Variants in ERAP1 observed in about 807,000 individuals in gnomAD.
ERAP1 encodes the protein adipocyte-derived leucine aminopeptidase.
ERAP1 carries 86 observed loss-of-function variants against 103.7 expected under a neutral mutation model. The ratio of observed to expected loss-of-function variants is 0.83; its 90% CI spans 0.70 to 0.99. The LOEUF is 0.99. Among genes scored for constraint, ERAP1 ranks in the 50% least tolerant of loss-of-function variants. The pLI, the probability that ERAP1 is intolerant of heterozygous loss-of-function variation, is 0.00. For synonymous variants in ERAP1, 398 were observed against 402.4 expected (o/e 0.99, Z 0.13); for missense variants, 1,009 against 1,128.4 (o/e 0.89, Z 1.52).
In ERAP1 at chr5:96,793,810, G is replaced by C; in HGVS notation, c.1067C>G (p.Ala356Gly). The C allele has an allele frequency of 6.2e-7, 1 of 1,613,390 alleles. No homozygotes were observed. The highest frequency in any genetic ancestry group is 1.1e-5 in the South Asian group (1 of 91,056). Reference protein sequence around the residue: ...GITMTVAHELAHQWFGNLVTM... With the variant: ...GITMTVAHELGHQWFGNLVTM... ...GTGTGAATGAGCTTATACCTGGTGAGCCAGTTCATGGGCCACAGTCATTGT... is the reference window on the plus strand; with the variant it reads ...GTGTGAATGAGCTTATACCTGGTGACCCAGTTCATGGGCCACAGTCATTGT... Residue 356 changes from alanine (A) to glycine (G), a missense_variant, in exon 6 of 19, where the codon GCT (alanine) becomes GGT (glycine). Physicochemically the swap from Ala to Gly is moderately conservative, Grantham distance 60 (BLOSUM62 0). Around this residue, in one of 3 missense-constraint regions of ERAP1, gnomAD observed 392 missense variants for 455.2 expected, o/e 0.86. Transcript: ENST00000443439.
chr5:96,809,115 T>G (rs1487691723), upstream of ERAP1, among the ~76,000 whole-genome samples: 1 of 152,246 alleles, frequency 6.6e-6, no homozygotes, highest in Non-Finnish European at 1.5e-5. Flanking sequence ...GTCATGGAGC[T>G]GGTGAGACCG....
chr5:96,818,873 A>G, the ERAP1 span, among the ~76,000 whole-genome samples: 31 of 152,022 alleles, frequency 2.0e-4, no homozygotes, highest in East Asian at 4.8e-3. Flanking sequence ...CTAAATTCCA[A>G]TGAAGCCAAA....
the ERAP1 span, chr5:96,900,305 C>A: frequency 2.1e-6 from 3 of 1,418,876 alleles, no homozygotes; most frequent in Non-Finnish European, 2.8e-6. Flanking sequence ...AGAAAGAGAG[C>A]CCCCACGATT....
downstream of ERAP1, chr5:96,770,652 G>C: frequency 8.2e-7 from 1 of 1,225,208 alleles, no homozygotes; most frequent in South Asian, 1.2e-5. Context: ...GTTACACAGA[G>C]TAGGGTTTAT....
At position 96,780,477 on chromosome 5, in the gene ERAP1, G is replaced by T. The variant is rs1775004974; in HGVS notation, c.2616C>A (p.Ala872=). The T allele has an allele frequency of 1.2e-6, 2 of 1,613,374 alleles. No homozygotes were observed. Among genetic ancestry groups the T allele is most frequent in the Non-Finnish European group, 1.7e-6 (2 of 1,179,680 alleles). The change falls in exon 18 of 19, where the codon GCC becomes GCA. Residue 872 remains alanine, a synonymous_variant. Transcript: ENST00000443439. ...QKFELGSSSI[A]HMVMGTTNQF... Reference sequence around the variant, plus strand: ...GATTTGTTGTACCCATTACCATGTGGGCTATGGAAGATGAGCCAAGTTCAA... The same window carrying T: ...GATTTGTTGTACCCATTACCATGTGTGCTATGGAAGATGAGCCAAGTTCAA...
At chr5:96,879,371 G>C in the ERAP1 span, among the ~76,000 whole-genome samples, 1 of 152,176 alleles carries the variant, frequency 6.6e-6, no homozygotes, top group Non-Finnish European at 1.5e-5. Flanking sequence ...GGTTTTTTGG[G>C]GGAGTCCTAA....
the ERAP1 span, among the ~76,000 whole-genome samples, chr5:96,852,144 C>G: frequency 6.6e-6 from 1 of 152,184 alleles, no homozygotes; most frequent in Non-Finnish European, 1.5e-5. Flanking sequence ...TCTAAACACC[C>G]ACTTCTATTA....
chr5:96,885,690 C>T, the ERAP1 span, among the ~76,000 whole-genome samples: 1 of 152,172 alleles, frequency 6.6e-6, no homozygotes, highest in Non-Finnish European at 1.5e-5. Context: ...CCAGAAAGGG[C>T]TCAGGGATAG....
the ERAP1 span, chr5:96,875,890 G>C: frequency 0.032 from 4,819 of 152,502 alleles, 95 homozygotes; most frequent in South Asian, 0.059. Flanking sequence ...AAGGCCAGAG[G>C]TTTCATCTTT....
chr5:96,832,004 TA>T, the ERAP1 span, among the ~76,000 whole-genome samples: 1 of 152,242 alleles, frequency 6.6e-6, no homozygotes, highest in African/African-American at 2.4e-5. Flanking sequence ...TGTTTCTGAA[TA>T]ATGAGAGAAA....
chr5:96,857,145 C>A, the ERAP1 span, among the ~76,000 whole-genome samples: 1 of 152,230 alleles, frequency 6.6e-6, no homozygotes, highest in Non-Finnish European at 1.5e-5. Context: ...GACCTCCACT[C>A]TTTGCCAGGC....
chr5:96,777,603 CTCTACTT>C (rs1419515675), intron 18 of ERAP1, among the ~76,000 whole-genome samples: 1 of 146,406 alleles, frequency 6.8e-6, no homozygotes, highest in Non-Finnish European at 1.5e-5. Context: ...ACACTTCACT[CTCTACTT>C]TAAGTTGTAG....
At chr5:96,892,226 T>A in the ERAP1 span, 1 of 1,497,764 alleles carries the variant, frequency 6.7e-7, no homozygotes, top group South Asian at 1.1e-5. Context: ...TCATAGTGTA[T>A]TTGAGCAGAG....
chr5:96,893,025 G>C, the ERAP1 span, among the ~76,000 whole-genome samples: 3 of 152,178 alleles, frequency 2.0e-5, no homozygotes, highest in African/African-American at 4.8e-5. Context: ...GATAGGGAAA[G>C]TGTGCGGATC....
chr5:96,782,987 C>A, intron 15 of ERAP1, 64 bp downstream of exon 15: 1 of 1,527,246 alleles, frequency 6.5e-7, no homozygotes, highest in Non-Finnish European at 9.1e-7. Context: ...TGTTTAGTAC[C>A]AATGATGGAA....
chr5:96,836,878 A>G, the ERAP1 span, among the ~76,000 whole-genome samples: 1 of 152,250 alleles, frequency 6.6e-6, no homozygotes, highest in Non-Finnish European at 1.5e-5. Flanking sequence ...TTAATTGGGT[A>G]TCAATAAAAA....
At chr5:96,898,144 C>T in the ERAP1 span, among the ~76,000 whole-genome samples, 2 of 151,706 alleles carry the variant, frequency 1.3e-5, no homozygotes, top group South Asian at 2.1e-4. Flanking sequence ...TGCAGTGAGC[C>T]GAGATTGCAC....
At chr5:96,927,989 T>C in the ERAP1 span, among the ~76,000 whole-genome samples, 2 of 152,152 alleles carry the variant, frequency 1.3e-5, no homozygotes, top group African/African-American at 2.4e-5. Flanking sequence ...CACTGCAAAC[T>C]CTGCTTCCCA....
intron 13 of ERAP1, 25 bp downstream of exon 13, chr5:96,785,763 C>T (rs762096077): frequency 3.3e-5 from 53 of 1,612,492 alleles, no homozygotes; most frequent in Middle Eastern, 1.6e-4. Context: ...AGAAATAAAC[C>T]GCGACTTTGT....
Sources: allele counts gnomAD v4.1 joint callset (sites outside exome capture counted in the v4.1 genomes callset), GRCh38; gene constraint gnomAD v4.1.1; regional missense constraint gnomAD v4.1.1; transcripts MANE v1.5; gene names NCBI Gene and HGNC (gene_info 2026-07-23, HGNC 2026-07-21).